The following EFNA5 variants were observed in gnomAD, a reference collection of about 807,000 sequenced individuals.
EFNA5 encodes the protein ephrin A5.
Under a neutral mutation model 22.9 loss-of-function variants are expected in EFNA5, and 5 were observed. That is an observed-to-expected ratio of 0.22 (90% confidence interval 0.11 to 0.46). EFNA5 has a LOEUF of 0.46. Among genes scored for constraint, EFNA5 ranks in the 20% least tolerant of loss-of-function variants. EFNA5 has a pLI of 0.99. For synonymous variants in EFNA5, 113 were observed against 112.2 expected (o/e 1.01, Z -0.04); for missense variants, 237 against 293.3 (o/e 0.81, Z 1.40).
chr5:107,500,531 G>C (rs1580497735), intron 1 of EFNA5, among the ~76,000 whole-genome samples: 1 of 152,218 alleles, frequency 6.6e-6, no homozygotes, highest in East Asian at 1.9e-4. Flanking sequence ...TTTTTTTCTA[G>C]AAGAGAGCAG....
At chr5:107,618,618 G>A (rs1450605506) in intron 1 of EFNA5, among the ~76,000 whole-genome samples, 1 of 152,202 alleles carries the variant, frequency 6.6e-6, no homozygotes, top group African/African-American at 2.4e-5. Flanking sequence ...GCACACCAAA[G>A]TTTCAGAGTC....
At chr5:107,629,900 C>T (rs1038629829) in intron 1 of EFNA5, among the ~76,000 whole-genome samples, 1 of 151,868 alleles carries the variant, frequency 6.6e-6, no homozygotes, top group Non-Finnish European at 1.5e-5. Context: ...CTACTAAAAG[C>T]ACAACATTAG....
Position 107,387,710 on chromosome 5 carries a change from T to C in EFNA5, c.480A>G (p.Pro160=), listed in dbSNP as rs1042121425. The change falls in exon 3 of 5, where the codon CCA becomes CCG. Residue 160 remains proline (P), a synonymous_variant. Transcript: ENST00000333274. The part of the protein sequence containing the change: ...SCLKLKVFVR[P]TNSCMKTIGV... ...AGCTCATTCTAGTGAACTTACTTGT[T>C]GGTCTCACAAAGACTTTGAGCTTTA... 1.2e-6 allele frequency: 2 copies of C among 1,611,158 alleles called. No individual in the cohort carries two copies. The highest frequency in any genetic ancestry group is 1.7e-6 in the Non-Finnish European group (2 of 1,177,872).
chr5:107,437,770 C>G (rs1749154525), intron 1 of EFNA5, among the ~76,000 whole-genome samples: 1 of 152,124 alleles, frequency 6.6e-6, no homozygotes. Context: ...CCAATAATCT[C>G]TTCCTGTGTT....
At chr5:107,492,156 A>G (rs1243174955) in intron 1 of EFNA5, among the ~76,000 whole-genome samples, 1 of 152,218 alleles carries the variant, frequency 6.6e-6, no homozygotes, top group Admixed American at 6.5e-5. Flanking sequence ...TTTTAAAAGT[A>G]CAAATAAAAG....
intron 2 of EFNA5, among the ~76,000 whole-genome samples, chr5:107,400,941 C>A (rs977676832): frequency 2.6e-5 from 4 of 152,094 alleles, no homozygotes; most frequent in African/African-American, 9.7e-5. Flanking sequence ...TCCCAGAAAC[C>A]TTAGTTTAGC....
intron 1 of EFNA5, among the ~76,000 whole-genome samples, chr5:107,584,287 G>A (rs939015402): frequency 6.6e-6 from 1 of 152,100 alleles, no homozygotes; most frequent in African/African-American, 2.4e-5. Context: ...TGGTGACTGG[G>A]ATCCAGTATT....
At chr5:107,618,058 A>G (rs923598993) in intron 1 of EFNA5, among the ~76,000 whole-genome samples, 4 of 152,104 alleles carry the variant, frequency 2.6e-5, no homozygotes, top group African/African-American at 9.7e-5. Flanking sequence ...CACAACCTAC[A>G]ATCTTTCATT....
rs115341874 is a variant in EFNA5 at position 107,395,034 on chromosome 5, C to T, written c.419-7263G>A. 9.8e-3 allele frequency among the ~76,000 whole-genome samples: 844 copies of T among 85,950 alleles called. 6 individuals are homozygous for T. Among genetic ancestry groups the T allele is most frequent in the Non-Finnish European group, 0.011 (518 of 45,540 alleles). 56.4% of individuals were successfully genotyped at this position (85,950 alleles called of 152,430 possible). On this transcript the variant is annotated intron_variant, in intron 2 of 4. Transcript: ENST00000333274. ...CCCCTTATAAGAAGGATTTCTAGTTCTTTTTTTTTTTTTTTTTTCCGCGAG... is the reference window on the plus strand; with the variant it reads ...CCCCTTATAAGAAGGATTTCTAGTTTTTTTTTTTTTTTTTTTTTCCGCGAG...
intron 1 of EFNA5, among the ~76,000 whole-genome samples, chr5:107,644,333 G>C (rs1404590379): frequency 1.3e-5 from 2 of 151,902 alleles, no homozygotes; most frequent in African/African-American, 2.4e-5. Flanking sequence ...AAAAACTTTA[G>C]TGTTTACTTA....
intron 1 of EFNA5, among the ~76,000 whole-genome samples, chr5:107,662,878 A>G (rs922627657): frequency 4.0e-5 from 6 of 151,836 alleles, no homozygotes; most frequent in African/African-American, 1.5e-4. Flanking sequence ...GGTGGAGGTG[A>G]CAATAGGGGC....
At chr5:107,666,015 C>T (rs1186095535) in intron 1 of EFNA5, among the ~76,000 whole-genome samples, 1 of 152,000 alleles carries the variant, frequency 6.6e-6, no homozygotes, top group African/African-American at 2.4e-5. Flanking sequence ...AAAGTTAATG[C>T]CTTTTACTTG....
chr5:107,388,327 A>G (rs1330902113), intron 2 of EFNA5, among the ~76,000 whole-genome samples: 2 of 152,206 alleles, frequency 1.3e-5, no homozygotes, highest in African/African-American at 4.8e-5. Context: ...TTTTACTCAG[A>G]ACTTGGCTCT....
chr5:107,442,790 C>A (rs544776898), intron 1 of EFNA5, among the ~76,000 whole-genome samples: 1 of 149,768 alleles, frequency 6.7e-6, no homozygotes, highest in Non-Finnish European at 1.5e-5. Flanking sequence ...TTTTTTTTTT[C>A]TCTTTTTGGT....
At chr5:107,644,920 C>T (rs887816132) in intron 1 of EFNA5, among the ~76,000 whole-genome samples, 1 of 152,138 alleles carries the variant, frequency 6.6e-6, no homozygotes, top group Non-Finnish European at 1.5e-5. Flanking sequence ...AGGCCGGTCT[C>T]GAACTCCCAA....
intron 1 of EFNA5, among the ~76,000 whole-genome samples, chr5:107,641,120 G>A (rs1349588162): frequency 6.6e-6 from 1 of 152,114 alleles, no homozygotes; most frequent in African/African-American, 2.4e-5. Context: ...CACTTTGGGA[G>A]GCCAAGGCAG....
At chr5:107,589,494 A>G (rs1013038740) in intron 1 of EFNA5, among the ~76,000 whole-genome samples, 1 of 152,188 alleles carries the variant, frequency 6.6e-6, no homozygotes, top group African/African-American at 2.4e-5. Context: ...ACACACACCA[A>G]CAAAGGAGTA....
intron 1 of EFNA5, among the ~76,000 whole-genome samples, chr5:107,454,185 T>G (rs1212865875): frequency 2.0e-5 from 3 of 152,176 alleles, no homozygotes; most frequent in Non-Finnish European, 2.9e-5. Flanking sequence ...GCATTCATAT[T>G]TTGTCACTGA....
chr5:107,566,748 G>C (rs935449407), intron 1 of EFNA5, among the ~76,000 whole-genome samples: 1 of 152,168 alleles, frequency 6.6e-6, no homozygotes, highest in African/African-American at 2.4e-5. Context: ...CACTGCCTGC[G>C]ATACCATTTG....
Sources: gnomAD v4.1 joint callset for allele counts (sites outside exome capture counted in the v4.1 genomes callset) on GRCh38, gnomAD v4.1.1 for gene constraint, MANE v1.5 for transcripts, NCBI Gene and HGNC (gene_info 2026-07-23, HGNC 2026-07-21) for gene names.